The following ARSG variants were observed in gnomAD, a reference collection of about 807,000 sequenced individuals.
The protein encoded by ARSG is ASG.
A neutral mutation model predicts 50.5 loss-of-function variants in ARSG; 37 were observed. That is an observed-to-expected ratio of 0.73 (90% CI 0.56 to 0.96). The LOEUF (loss-of-function observed/expected upper bound fraction) is 0.96, where lower values mean the gene tolerates loss of function less well. Ranked by LOEUF, ARSG falls within the 50% of genes least tolerant of loss-of-function variation. The pLI is 0.00. For missense variants in ARSG, 629 were observed against 675.3 expected (o/e 0.93, Z 0.76); for synonymous variants, 225 against 254.6 (o/e 0.88, Z 1.11).
intron 9 of ARSG, 41 bp downstream of exon 9, chr17:68,385,213 C>T: frequency 1.3e-6 from 2 of 1,577,746 alleles, no homozygotes; most frequent in Non-Finnish European, 8.7e-7. Context: ...GGGCCCAGAG[C>T]AAGAAAAGTC....
rs190642395 is a variant in ARSG, at chr17:68,349,153, C to T, written c.454+1981C>T. 3.9e-5 allele frequency among the ~76,000 whole-genome samples: 6 copies of T among 152,136 alleles called. No individual in the cohort carries two copies. The East Asian group carries it at 9.7e-4, about 25-fold the overall frequency. On this transcript the variant is annotated intron_variant, in intron 4 of 11. Transcript: ENST00000621439. The stretch of plus-strand genomic sequence containing the variant: ...CTCTACTAAAAAAATAAAAAATTAG[C>T]TCAGCACAGTGGTGCATGCCTGTAA...
At chr17:68,450,988 G>A in the ARSG span, 1 of 1,483,584 alleles carries the variant, frequency 6.7e-7, no homozygotes, top group East Asian at 2.4e-5. Flanking sequence ...CGCAGGCCAG[G>A]TTCCAAAGGT....
intron 2 of ARSG, among the ~76,000 whole-genome samples, chr17:68,337,374 G>T (rs2078069610): frequency 6.6e-6 from 1 of 152,120 alleles, no homozygotes; most frequent in Non-Finnish European, 1.5e-5. Context: ...TGGACTAGAA[G>T]TAAAAAGAGG....
At chr17:68,380,648 A>T (rs561740864) in intron 8 of ARSG, among the ~76,000 whole-genome samples, 2 of 152,106 alleles carry the variant, frequency 1.3e-5, no homozygotes, top group Non-Finnish European at 2.9e-5. Context: ...TAACATACTA[A>T]ATGTGTCTTA....
At chr17:68,412,141 A>T (rs1192445152) in intron 11 of ARSG, among the ~76,000 whole-genome samples, 1 of 141,530 alleles carries the variant, frequency 7.1e-6, no homozygotes, top group Non-Finnish European at 1.6e-5. Flanking sequence ...ATATTGTTAC[A>T]TGTGAATTTG....
intron 1 of ARSG, among the ~76,000 whole-genome samples, chr17:68,282,091 G>C (rs903521398): frequency 6.6e-6 from 1 of 152,110 alleles, no homozygotes; most frequent in Non-Finnish European, 1.5e-5. Context: ...GCAAAGACTT[G>C]GAACCAATCC....
chr17:68,369,126 C>T lies in ARSG; in HGVS notation c.901+382C>T, dbSNP rs115792024. The stretch of plus-strand genomic sequence containing the variant: ...CCCAAAGATTCTACTTGCTGCCACT[C>T]CCCGTGTCACGTCTTTTGGCTGAGT... On this transcript the variant is annotated intron_variant, in intron 7 of 11. Transcript: ENST00000621439. 7.9e-3 allele frequency among the ~76,000 whole-genome samples: 1,207 copies of T among 152,348 alleles called. 17 individuals carry two copies. The highest frequency in any genetic ancestry group is 0.028 in the African/African-American group (1,152 of 41,586).
the ARSG span, chr17:68,428,719 A>T: frequency 1.2e-6 from 1 of 812,246 alleles, no homozygotes; most frequent in Non-Finnish European, 2.0e-6. Flanking sequence ...TGAGACTGCC[A>T]GTGAAGAACA....
At chr17:68,402,457 C>A (rs1433689846) in intron 11 of ARSG, among the ~76,000 whole-genome samples, 2 of 151,900 alleles carry the variant, frequency 1.3e-5, no homozygotes, top group Admixed American at 6.6e-5. Context: ...ATTGGTCAGG[C>A]TGGTCTTGAA....
At chr17:68,295,375 G>GT (rs1463751532) in intron 1 of ARSG, among the ~76,000 whole-genome samples, 5 of 151,994 alleles carry the variant, frequency 3.3e-5, no homozygotes, top group African/African-American at 9.7e-5. Flanking sequence ...TAACTCTGAA[G>GT]TAACTTTTAC....
chr17:68,390,857 C>T (rs1051340902), intron 9 of ARSG, among the ~76,000 whole-genome samples: 10 of 151,426 alleles, frequency 6.6e-5, no homozygotes, highest in African/African-American at 2.4e-4. Context: ...GAACTCCTGA[C>T]CTCAGGTGAT....
chr17:68,404,631 G>C (rs918706576), intron 11 of ARSG, among the ~76,000 whole-genome samples: 1 of 152,080 alleles, frequency 6.6e-6, no homozygotes, highest in Non-Finnish European at 1.5e-5. Flanking sequence ...TCAAGGTTTG[G>C]TATCAGGATT....
In ARSG at chr17:68,420,700, G is replaced by C. The variant is rs2082716854; in HGVS notation, c.*237G>C. 1 of 545,342 alleles carries C rather than the reference G, an allele frequency of 1.8e-6. No homozygotes were observed. Among genetic ancestry groups the C allele is most frequent in the Non-Finnish European group, 3.2e-6 (1 of 310,156 alleles). The allele number at this position is 545,342 out of a possible 1,614,324, so 33.8% of individuals were successfully genotyped here. A position where few individuals can be genotyped will look rare whatever the true frequency, so the allele number is the denominator to read the frequency against. On this transcript the variant is annotated 3_prime_UTR_variant, in exon 12 of 12. Transcript: ENST00000621439. Reference sequence around the variant, plus strand: ...CCTTAATGGGAAGCACACGGGCTTTGGAGTCAGGCACAGGTGCCAGCTCCA... The same window carrying C: ...CCTTAATGGGAAGCACACGGGCTTTCGAGTCAGGCACAGGTGCCAGCTCCA...
intron 5 of ARSG, among the ~76,000 whole-genome samples, chr17:68,352,142 G>GAGA (rs1258816991): frequency 4.8e-5 from 4 of 84,084 alleles, no homozygotes; most frequent in Admixed American, 2.4e-4. Context: ...GAGAGACAGA[G>GAGA]GAGAGAGAGA....
At position 68,382,169 on chromosome 17, in the gene ARSG, A is replaced by T. The variant is rs981413734; in HGVS notation, c.983-2895A>T. Among the ~76,000 whole-genome samples, 7 of 151,554 alleles carry T rather than the reference A, an allele frequency of 4.6e-5. No individual in the cohort carries two copies. In the East Asian group the frequency reaches 1.4e-3, roughly 29 times the overall value. On this transcript the variant is annotated intron_variant, in intron 8 of 11. Transcript: ENST00000621439. ...TTTCACCATGTTAGGCTGGTCTCGA[A>T]CTCCTGACCTCATGATCTGCCCACC...
the ARSG span, among the ~76,000 whole-genome samples, chr17:68,430,843 C>T: frequency 6.6e-6 from 1 of 152,188 alleles, no homozygotes; most frequent in Non-Finnish European, 1.5e-5. Context: ...CATATGAGTT[C>T]CCAGGAGCAG....
chr17:68,300,252 T>A (rs1371378954), intron 1 of ARSG, among the ~76,000 whole-genome samples: 1 of 152,174 alleles, frequency 6.6e-6, no homozygotes. Context: ...GGCCTGGGGC[T>A]TATTTCAAAA....
intron 1 of ARSG, chr17:68,270,967 G>C: frequency 6.2e-7 from 1 of 1,614,136 alleles, no homozygotes; most frequent in Non-Finnish European, 8.5e-7. Flanking sequence ...CCCTCCTATT[G>C]TTCCAACCAT....
chr17:68,442,901 G>A, the ARSG span, among the ~76,000 whole-genome samples: 1 of 152,124 alleles, frequency 6.6e-6, no homozygotes, highest in African/African-American at 2.4e-5. Flanking sequence ...TTGCCTAATG[G>A]TGCCTACTAT....
Sources: allele counts gnomAD v4.1 joint callset (sites outside exome capture counted in the v4.1 genomes callset), GRCh38; gene constraint gnomAD v4.1.1; transcripts MANE v1.5; gene names NCBI Gene and HGNC (gene_info 2026-07-23, HGNC 2026-07-21).